Variants in NBPF12 observed in about 807,000 individuals in gnomAD.
The protein encoded by NBPF12 is NBPF family member NBPF12.
NBPF12 carries 115 observed loss-of-function variants against 146.4 expected under a neutral mutation model. The observed-to-expected ratio is 0.79, with a 90% CI of 0.68 to 0.92. The LOEUF (loss-of-function observed/expected upper bound fraction) is 0.92, where lower values mean the gene tolerates loss of function less well. NBPF12 is among the 40% of genes least tolerant of loss of function. The probability of loss-of-function intolerance (pLI) is 0.00; values close to 1 mark genes in which losing one functional copy is unlikely to be tolerated. For synonymous variants in NBPF12, 385 were observed against 508.9 expected (o/e 0.76, Z 3.28); for missense variants, 1,205 against 1,326.8 (o/e 0.91, Z 1.43).
At chr1:146,962,164 A>T in exon 5 of NBPF12, 1 of 1,608,776 alleles carries the variant, frequency 6.2e-7, no homozygotes, top group Non-Finnish European at 8.5e-7. Flanking sequence ...TTCTCAGAGT[A>T]TGAAGAGTGT....
rs1423424667 is a variant in NBPF12 at position 146,939,026 on chromosome 1, C to T, written c.-822+44C>T. On this transcript the variant is annotated intron_variant, in intron 1 of 35. Coordinates refer to the NBPF12 transcript ENST00000617931. ...GCCGGGCGGCAGGTGAGTCTGGGACCTGCGGGCGCACAGCTGGGCTGAGGC... is the reference window on the plus strand; with the variant it reads ...GCCGGGCGGCAGGTGAGTCTGGGACTTGCGGGCGCACAGCTGGGCTGAGGC... 2 of 152,280 alleles carry T rather than the reference C, an allele frequency of 1.3e-5. No individual in the cohort carries two copies. Among genetic ancestry groups the T allele is most frequent in the Non-Finnish European group, 2.9e-5 (2 of 68,168 alleles). The allele number at this position is 152,280 out of a possible 1,614,324, so 9.4% of individuals were successfully genotyped here. A position where few individuals can be genotyped will look rare whatever the true frequency, so the allele number is the denominator to read the frequency against.
intron 2 of NBPF12, among the ~76,000 whole-genome samples, chr1:146,955,537 G>GTT: frequency 1.0e-5 from 1 of 96,946 alleles, no homozygotes; most frequent in Non-Finnish European, 2.0e-5. Flanking sequence ...AAACGGCCTG[G>GTT]AAATTATCAC....
At chr1:146,954,408 AAAAAAG>A (rs1232390765) in intron 2 of NBPF12, among the ~76,000 whole-genome samples, 1 of 130,580 alleles carries the variant, frequency 7.7e-6, no homozygotes, top group Non-Finnish European at 1.6e-5. Flanking sequence ...AAAAAAAAAA[AAAAAAG>A]GAAAGTCAAC....
chr1:146,954,982 A>C, intron 2 of NBPF12, among the ~76,000 whole-genome samples: 1 of 24,694 alleles, frequency 4.0e-5, no homozygotes, highest in Non-Finnish European at 6.6e-5. Context: ...ATATATATAT[A>C]TATATATATA....
chr1:146,977,864 T>A (rs1657147005), intron 18 of NBPF12, among the ~76,000 whole-genome samples, 193 bp downstream of exon 21: 2 of 152,060 alleles, frequency 1.3e-5, no homozygotes, highest in Non-Finnish European at 2.9e-5. Context: ...ATCAAGTTAC[T>A]CGACCCCAGG....
chr1:146,970,610 A>G lies in NBPF12; in HGVS notation c.1307-37A>G. ...GGCTGACTGTGCTTGCAGAATGTGA[A>G]GTGGAAAATATCTGAACGAACATTT... On this transcript the variant is annotated intron_variant, in intron 11 of 33. Coordinates refer to ENST00000617844, the Ensembl canonical transcript of NBPF12. 1.9e-6 allele frequency: 3 copies of G among 1,569,602 alleles called. 1 individual carries two copies. The South Asian group carries it at 3.3e-5, about 17-fold the overall frequency.
intron 14 of NBPF12, among the ~76,000 whole-genome samples, chr1:146,973,717 G>C (rs1448919605): frequency 1.4e-5 from 2 of 147,876 alleles, no homozygotes; most frequent in Non-Finnish European, 3.0e-5. Flanking sequence ...GAACCCAGGA[G>C]GCTGAGGTTG....
rs1553885251 is a variant in NBPF12, at chr1:146,964,438, G to A, written c.566+9G>A. 29 of 1,599,116 alleles carry A rather than the reference G, an allele frequency of 1.8e-5. No individual in the cohort carries two copies. Among genetic ancestry groups the A allele is most frequent in the Non-Finnish European group, 2.4e-5 (28 of 1,168,038 alleles). On this transcript the variant is annotated intron_variant, in intron 7 of 33. Coordinates refer to ENST00000617844, the Ensembl canonical transcript of NBPF12. The stretch of plus-strand genomic sequence containing the variant: ...GAATCATCTGCCCCCAGGTAACACT[G>A]AATACTCAGGAGCAAGTAATGGGTG...
At chr1:146,974,144 G>A (rs1553886995) in intron 14 of NBPF12, among the ~76,000 whole-genome samples, 2 of 149,750 alleles carry the variant, frequency 1.3e-5, no homozygotes, top group East Asian at 3.9e-4. Flanking sequence ...TCATTCTGCT[G>A]TTTCTAAATT....
chr1:146,985,877 C>G (rs1384951215), intron 23 of NBPF12, 121 bp downstream of exon 26: 1 of 714,548 alleles, frequency 1.4e-6, no homozygotes, highest in Non-Finnish European at 2.4e-6. Context: ...CTCCTACTGC[C>G]ATTGCTGTTG....
exon 6 of NBPF12, chr1:146,963,268 G>A (rs1655974829): frequency 2.5e-6 from 4 of 1,611,956 alleles, no homozygotes; most frequent in Non-Finnish European, 3.4e-6. Context: ...CTGGCTGAGG[G>A]GTGTAGACTG....
intron 2 of NBPF12, among the ~76,000 whole-genome samples, chr1:146,953,935 A>T (rs1655438176): frequency 1.3e-5 from 2 of 151,514 alleles, no homozygotes; most frequent in South Asian, 4.2e-4. Flanking sequence ...AAATCTACAA[A>T]AATCTACCAG....
chr1:146,942,806 T>C (rs1217347306), intron 1 of NBPF12, among the ~76,000 whole-genome samples: 1,710 of 147,948 alleles, frequency 0.012, 43 homozygotes, highest in African/African-American at 0.042. Context: ...AAAGAAGCAT[T>C]AACTACGCCC....
At chr1:146,978,041 C>G (rs1307838676) in intron 18 of NBPF12, among the ~76,000 whole-genome samples, 2 of 151,780 alleles carry the variant, frequency 1.3e-5, no homozygotes. Context: ...GGCAGCCTTG[C>G]CTTTGTATTT....
intron 2 of NBPF12, among the ~76,000 whole-genome samples, chr1:146,953,604 CA>C (rs1365369780): frequency 6.9e-6 from 1 of 144,158 alleles, no homozygotes; most frequent in Non-Finnish European, 1.5e-5. Context: ...AAGCATTTGG[CA>C]AAATTGAAAA....
intron 10 of NBPF12, among the ~76,000 whole-genome samples, chr1:146,968,868 C>G (rs1553885983): frequency 1.3e-5 from 2 of 151,262 alleles, no homozygotes; most frequent in Non-Finnish European, 2.9e-5. Context: ...TGTGCCATCA[C>G]GACCCCACTT....
At position 146,994,128 on chromosome 1, in the gene NBPF12, G is replaced by C. The variant is rs1160600834; in HGVS notation, c.4131-204G>C. ...TGTCTCTGTCTCTGTCTCTGTCTCTGTCTCTCTCTCTCTGTCTTTCTCTTT... is the reference window on the plus strand; with the variant it reads ...TGTCTCTGTCTCTGTCTCTGTCTCTCTCTCTCTCTCTCTGTCTTTCTCTTT... On this transcript the variant is annotated intron_variant, in intron 33 of 33. Coordinates refer to ENST00000617844, the Ensembl canonical transcript of NBPF12. Among the ~76,000 whole-genome samples, 724 of 104,028 alleles carry C rather than the reference G, an allele frequency of 7.0e-3. 13 individuals carry two copies. The highest frequency in any genetic ancestry group is 0.029 in the African/African-American group (688 of 23,360). 68.2% of individuals were successfully genotyped at this position (104,028 alleles called of 152,430 possible). A position where few individuals can be genotyped will look rare whatever the true frequency, so the allele number is the denominator to read the frequency against.
At chr1:146,943,115 C>T (rs1442445195) in intron 1 of NBPF12, among the ~76,000 whole-genome samples, 176 bp from the exon 2 acceptor site, 2 of 150,280 alleles carry the variant, frequency 1.3e-5, no homozygotes, top group Non-Finnish European at 3.0e-5. Context: ...GTTGCACAGG[C>T]TGGTGAGGAC....
chr1:146,972,218 A>C (rs1462698492), intron 13 of NBPF12, among the ~76,000 whole-genome samples: 1 of 151,018 alleles, frequency 6.6e-6, no homozygotes, highest in Non-Finnish European at 1.5e-5. Flanking sequence ...AAGTTGGCGA[A>C]ACCCCATCTC....
Sources: allele counts gnomAD v4.1 joint callset (sites outside exome capture counted in the v4.1 genomes callset), GRCh38; gene constraint gnomAD v4.1.1; transcripts MANE v1.5; gene names NCBI Gene and HGNC (gene_info 2026-07-23, HGNC 2026-07-21).